MDFIC2: variants seen among roughly 807,000 people sequenced by gnomAD.
The protein encoded by MDFIC2 is myoD family inhibitor domain-containing protein 2.
intron 2 of MDFIC2, among the ~76,000 whole-genome samples, chr3:70,268,264 A>C (rs898319714): frequency 6.6e-6 from 1 of 152,126 alleles, no homozygotes; most frequent in Non-Finnish European, 1.5e-5. Flanking sequence ...TGAGCGCAGA[A>C]GTTCGCGACC....
At chr3:70,208,490 T>A (rs925039153) in intron 2 of MDFIC2, among the ~76,000 whole-genome samples, 1 of 152,024 alleles carries the variant, frequency 6.6e-6, no homozygotes, top group African/African-American at 2.4e-5. Context: ...ACCTGGAAAA[T>A]CTTTTTAAAA....
intron 2 of MDFIC2, chr3:70,272,198 G>A (rs1701982141): frequency 6.6e-6 from 1 of 152,062 alleles, no homozygotes; most frequent in South Asian, 2.1e-4. Flanking sequence ...TGCATAGTGG[G>A]GGTTTGACAA....
rs549468474 is a variant in MDFIC2 at position 70,299,123 on chromosome 3, C to T, written c.88+12763G>A. On this transcript the variant is annotated intron_variant, in intron 2 of 3. Transcript: ENST00000567252. ...AGATTTAAAAGCAGAAAATGTGAAG[C>T]AGCCTGAATATCCAAACATAGGTAA... Among the ~76,000 whole-genome samples, 3 of 152,166 alleles carry T rather than the reference C, an allele frequency of 2.0e-5. No individual in the cohort carries two copies. The South Asian group carries it at 6.2e-4, about 32-fold the overall frequency.
intron 2 of MDFIC2, among the ~76,000 whole-genome samples, chr3:70,293,045 CAAAAAAAAAAAAAA>C (rs55990203): frequency 2.5e-4 from 19 of 74,782 alleles, no homozygotes; most frequent in African/African-American, 7.8e-4. Context: ...TGGTTTGAAG[CAAAAAAAAAAAAAA>C]AAAAAAAAAA....
At chr3:70,290,759 G>T (rs547141205) in intron 2 of MDFIC2, among the ~76,000 whole-genome samples, 1 of 152,164 alleles carries the variant, frequency 6.6e-6, no homozygotes, top group African/African-American at 2.4e-5. Context: ...TTATAATCTC[G>T]TGGTGCGCCG....
chr3:70,284,971 G>C (rs1165853836), intron 2 of MDFIC2, among the ~76,000 whole-genome samples: 1 of 151,966 alleles, frequency 6.6e-6, no homozygotes, highest in Admixed American at 6.6e-5. Context: ...CATTAACAAT[G>C]TTACATGGGT....
At chr3:70,242,664 A>T (rs1032597337) in intron 2 of MDFIC2, among the ~76,000 whole-genome samples, 4 of 152,222 alleles carry the variant, frequency 2.6e-5, no homozygotes, top group African/African-American at 9.6e-5. Flanking sequence ...TGTGTTTGGC[A>T]TGAAAAATGT....
intron 2 of MDFIC2, among the ~76,000 whole-genome samples, chr3:70,219,063 A>G (rs990950582): frequency 2.0e-5 from 3 of 152,198 alleles, no homozygotes; most frequent in Non-Finnish European, 4.4e-5. Flanking sequence ...GTTTAAAAAA[A>G]TTATTTCTAA....
chr3:70,306,807 G>C (rs923444253), intron 2 of MDFIC2, among the ~76,000 whole-genome samples: 1 of 152,098 alleles, frequency 6.6e-6, no homozygotes, highest in Admixed American at 6.5e-5. Context: ...GTTTTCTGAA[G>C]GACAAAAAAC....
intron 2 of MDFIC2, among the ~76,000 whole-genome samples, chr3:70,208,274 C>T (rs565240827): frequency 5.3e-5 from 8 of 152,140 alleles, no homozygotes; most frequent in Non-Finnish European, 1.2e-4. Context: ...CAATAATGCT[C>T]ATTGAGTTAC....
At chr3:70,299,253 C>T (rs549688846) in intron 2 of MDFIC2, among the ~76,000 whole-genome samples, 6 of 152,070 alleles carry the variant, frequency 3.9e-5, no homozygotes, top group East Asian at 1.9e-4. Flanking sequence ...CACATTTATT[C>T]GTGAATCATC....
chr3:70,244,628 T>C (rs1701689803), intron 2 of MDFIC2, among the ~76,000 whole-genome samples: 1 of 152,216 alleles, frequency 6.6e-6, no homozygotes, highest in Non-Finnish European at 1.5e-5. Context: ...CAGCCAGCTG[T>C]AAGTCTCTTT....
chr3:70,285,530 G>A (rs1702152140), intron 2 of MDFIC2, among the ~76,000 whole-genome samples: 1 of 151,966 alleles, frequency 6.6e-6, no homozygotes, highest in Admixed American at 6.6e-5. Context: ...GTGTGCATGT[G>A]TCTTTATAGC....
intron 2 of MDFIC2, among the ~76,000 whole-genome samples, chr3:70,242,778 A>G (rs554163146): frequency 1.3e-5 from 2 of 152,288 alleles, no homozygotes; most frequent in African/African-American, 4.8e-5. Flanking sequence ...TTATTGTGTC[A>G]GAGCTTGGAA....
At chr3:70,280,660 G>A (rs1254585276) in intron 2 of MDFIC2, among the ~76,000 whole-genome samples, 2 of 152,038 alleles carry the variant, frequency 1.3e-5, no homozygotes, top group Admixed American at 1.3e-4. Flanking sequence ...CTCTGAGGCT[G>A]GCCATAGAAA....
chr3:70,285,345 A>G (rs1702149320), intron 2 of MDFIC2, among the ~76,000 whole-genome samples: 1 of 151,760 alleles, frequency 6.6e-6, no homozygotes, highest in African/African-American at 2.4e-5. Flanking sequence ...ACTGAGAATG[A>G]TGACTTCCAA....
intron 2 of MDFIC2, among the ~76,000 whole-genome samples, chr3:70,213,579 A>G (rs1363560217): frequency 6.6e-6 from 1 of 152,154 alleles, no homozygotes; most frequent in Non-Finnish European, 1.5e-5. Flanking sequence ...ATAAGCTACC[A>G]AACCATTAAC....
chr3:70,282,924 G>T (rs530103344), intron 2 of MDFIC2, among the ~76,000 whole-genome samples: 1 of 152,130 alleles, frequency 6.6e-6, no homozygotes, highest in East Asian at 1.9e-4. Context: ...AGTAAAAGGG[G>T]TAATAAAAGA....
chr3:70,250,316 T>A (rs1192310838), intron 2 of MDFIC2, among the ~76,000 whole-genome samples: 1 of 152,242 alleles, frequency 6.6e-6, no homozygotes, highest in South Asian at 2.1e-4. Flanking sequence ...CTTGTAATTT[T>A]ACTATTGCCA....
Sources: allele counts gnomAD v4.1 joint callset (sites outside exome capture counted in the v4.1 genomes callset), GRCh38; gene constraint gnomAD v4.1.1; transcripts MANE v1.5; gene names NCBI Gene and HGNC (gene_info 2026-07-23, HGNC 2026-07-21).